Variants in FYN observed in about 807,000 individuals in gnomAD.
FYN encodes FYN proto-oncogene, Src family tyrosine kinase, also known as tyrosine-protein kinase Fyn.
Under a neutral mutation model 70.2 loss-of-function variants are expected in FYN, and 10 were observed. That is an observed-to-expected ratio of 0.14 (90% CI 0.09 to 0.24). The LOEUF (loss-of-function observed/expected upper bound fraction) is 0.24. Ranked by LOEUF, FYN falls within the 10% of genes least tolerant of loss-of-function variation. The pLI, the probability that FYN is intolerant of heterozygous loss-of-function variation, is 1.00. For synonymous variants in FYN, 236 were observed against 248.6 expected (o/e 0.95, Z 0.48); for missense variants, 319 against 673.1 (o/e 0.47, Z 5.82).
At chr6:111,824,490 TC>T (rs1396234918) in intron 2 of FYN, among the ~76,000 whole-genome samples, 1 of 152,216 alleles carries the variant, frequency 6.6e-6, no homozygotes, top group Non-Finnish European at 1.5e-5. Flanking sequence ...CTACACTGCA[TC>T]TTGTTAACAT....
chr6:111,777,596 C>A (rs1367171286), intron 3 of FYN, among the ~76,000 whole-genome samples: 1 of 152,108 alleles, frequency 6.6e-6, no homozygotes, highest in African/African-American at 2.4e-5. Context: ...CTGTGACAAC[C>A]CAAAATGGCT....
chr6:111,821,718 T>G (rs1377640399), intron 2 of FYN, among the ~76,000 whole-genome samples: 1 of 151,630 alleles, frequency 6.6e-6, no homozygotes, highest in Non-Finnish European at 1.5e-5. Flanking sequence ...TGGGAGAAAA[T>G]TTTTGCAATC....
chr6:111,751,385 G>T (rs1802480475), intron 3 of FYN, among the ~76,000 whole-genome samples: 1 of 152,096 alleles, frequency 6.6e-6, no homozygotes, highest in Non-Finnish European at 1.5e-5. Flanking sequence ...TGGCCATTTT[G>T]TCCTGGGGCT....
chr6:111,775,012 C>T (rs145575602), intron 3 of FYN, among the ~76,000 whole-genome samples: 2 of 152,306 alleles, frequency 1.3e-5, no homozygotes, highest in East Asian at 1.9e-4. Context: ...CGCCACTGCA[C>T]CCAGCTAGCT....
intron 2 of FYN, among the ~76,000 whole-genome samples, chr6:111,831,770 A>T (rs9487730): frequency 0.034 from 5,210 of 152,336 alleles, 103 homozygotes; most frequent in Non-Finnish European, 0.047. Context: ...GTAGTTTTAC[A>T]ATCCTAACAA....
intron 2 of FYN, among the ~76,000 whole-genome samples, chr6:111,789,628 T>A (rs1434715535): frequency 2.0e-5 from 3 of 152,194 alleles, no homozygotes; most frequent in Non-Finnish European, 4.4e-5. Flanking sequence ...GTTATAATAA[T>A]CATGTCTTTC....
At chr6:111,839,466 G>A (rs539292740) in intron 2 of FYN, among the ~76,000 whole-genome samples, 2 of 152,138 alleles carry the variant, frequency 1.3e-5, no homozygotes, top group East Asian at 1.9e-4. Flanking sequence ...AAAGTGACTC[G>A]ATGAGAGATG....
chr6:111,805,830 GA>G (rs758219736), intron 2 of FYN, among the ~76,000 whole-genome samples: 2 of 152,156 alleles, frequency 1.3e-5, no homozygotes, highest in African/African-American at 2.4e-5. Context: ...TAAAATGACT[GA>G]ATTACAGGCC....
chr6:111,797,667 TATATA>T (rs1465777390), intron 2 of FYN, among the ~76,000 whole-genome samples: 1 of 5,304 alleles, frequency 1.9e-4, no homozygotes, highest in African/African-American at 5.7e-3. Flanking sequence ...CAAAGTTTCA[TATATA>T]TATATATATA....
At chr6:111,727,792 T>C (rs1008649313) in intron 3 of FYN, among the ~76,000 whole-genome samples, 1 of 152,214 alleles carries the variant, frequency 6.6e-6, no homozygotes, top group East Asian at 1.9e-4. Context: ...CTTAAAAATG[T>C]CATGTTACTT....
chr6:111,858,843 A>G (rs909924079), intron 1 of FYN, among the ~76,000 whole-genome samples: 85 of 144,722 alleles, frequency 5.9e-4, no homozygotes, highest in Non-Finnish European at 9.6e-4. Flanking sequence ...CTAGGATTTA[A>G]AAAAAAAAAA....
intron 2 of FYN, among the ~76,000 whole-genome samples, chr6:111,834,939 C>T (rs1251638653): frequency 1.3e-5 from 2 of 152,176 alleles, no homozygotes; most frequent in Non-Finnish European, 2.9e-5. Flanking sequence ...CATAATTCTC[C>T]ACCTTCCCCT....
In FYN at chr6:111,674,599, G is replaced by A. The variant is rs765563112; in HGVS notation, c.1305C>T (p.Pro435=). ...GAKFPIKWTA[P]EAALYGRFTI... ...TGAACCTCCCGTACAGGGCTGCCTCGGGGGCCGTCCACTTGATGGGGAACT... is the reference window on the plus strand; with the variant it reads ...TGAACCTCCCGTACAGGGCTGCCTCAGGGGCCGTCCACTTGATGGGGAACT... Residue 435 remains proline (P), a synonymous_variant, in exon 13 of 14, where the codon CCC becomes CCT. Transcript: ENST00000354650. 5.0e-6 allele frequency: 8 copies of A among 1,613,398 alleles called. No individual in the cohort carries two copies. Among genetic ancestry groups the A allele is most frequent in the African/African-American group, 1.3e-5 (1 of 74,904 alleles).
intron 2 of FYN, among the ~76,000 whole-genome samples, chr6:111,794,392 A>G (rs1771736567): frequency 6.6e-6 from 1 of 152,242 alleles, no homozygotes; most frequent in Non-Finnish European, 1.5e-5. Flanking sequence ...GAAAACACAG[A>G]GGAATCACAA....
intron 2 of FYN, among the ~76,000 whole-genome samples, chr6:111,806,611 G>C (rs1271938875): frequency 6.6e-6 from 1 of 152,222 alleles, no homozygotes; most frequent in African/African-American, 2.4e-5. Context: ...GACCCTCATA[G>C]GACCTTTGCA....
intron 2 of FYN, among the ~76,000 whole-genome samples, chr6:111,821,285 G>T (rs879656255): frequency 1.3e-5 from 2 of 151,962 alleles, no homozygotes; most frequent in African/African-American, 4.8e-5. Flanking sequence ...CCAAAACAGA[G>T]ATATAGACCA....
At chr6:111,862,451 C>T (rs1773988374) in intron 1 of FYN, among the ~76,000 whole-genome samples, 1 of 152,122 alleles carries the variant, frequency 6.6e-6, no homozygotes, top group East Asian at 1.9e-4. Context: ...AATACAGAAG[C>T]TCAATGTCCA....
At chr6:111,667,407 G>A (rs1332291278) in intron 13 of FYN, among the ~76,000 whole-genome samples, 1 of 151,828 alleles carries the variant, frequency 6.6e-6, no homozygotes, top group Non-Finnish European at 1.5e-5. Context: ...ATGCCTGGCT[G>A]ATTTTTATTT....
At chr6:111,849,992 C>T (rs916512207) in intron 1 of FYN, among the ~76,000 whole-genome samples, 1 of 152,120 alleles carries the variant, frequency 6.6e-6, no homozygotes, top group African/African-American at 2.4e-5. Flanking sequence ...GATACAGGGG[C>T]GTGTGCCATC....
Sources: allele counts gnomAD v4.1 joint callset (sites outside exome capture counted in the v4.1 genomes callset), GRCh38; gene constraint gnomAD v4.1.1; transcripts MANE v1.5; gene names NCBI Gene and HGNC (gene_info 2026-07-23, HGNC 2026-07-21).